EHBP1: variants seen among roughly 807,000 people sequenced by gnomAD.
EHBP1 encodes the protein EH domain binding protein 1.
A neutral mutation model predicts 144.0 loss-of-function variants in EHBP1; 55 were observed. That is an observed-to-expected ratio of 0.38 (90% CI 0.31 to 0.48). The LOEUF is 0.48. Ranked by LOEUF, EHBP1 falls within the 20% of genes least tolerant of loss-of-function variation. The probability of loss-of-function intolerance (pLI) is 0.98; values close to 1 mark genes in which losing one functional copy is unlikely to be tolerated. For synonymous variants in EHBP1, 469 were observed against 472.7 expected, an observed-to-expected ratio of 0.99 and a Z score of 0.10; for missense variants, 1,200 against 1,364.2, an observed-to-expected ratio of 0.88 and a Z score of 1.90.
intron 6 of EHBP1, 101 bp from the exon 7 acceptor site, chr2:62,830,917 AC>A: frequency 2.5e-6 from 3 of 1,221,328 alleles, no homozygotes; most frequent in Middle Eastern, 4.2e-4. Context: ...AGACTTATTG[AC>A]ATACCTTATA....
chr2:62,716,558 T>C (rs548882854), intron 2 of EHBP1, among the ~76,000 whole-genome samples: 1 of 152,330 alleles, frequency 6.6e-6, no homozygotes, highest in East Asian at 1.9e-4. Context: ...ATAATGGCAA[T>C]ACACATGTGT....
At chr2:62,940,114 G>GA (rs2153067308) in intron 10 of EHBP1, 1 of 421,014 alleles carries the variant, frequency 2.4e-6, no homozygotes, top group African/African-American at 2.1e-5. Flanking sequence ...AAGACTTTGA[G>GA]AATCACTACA....
At chr2:62,708,770 A>G (rs1259075619) in intron 2 of EHBP1, among the ~76,000 whole-genome samples, 1 of 152,216 alleles carries the variant, frequency 6.6e-6, no homozygotes, top group Non-Finnish European at 1.5e-5. Flanking sequence ...CCAGGAAGCC[A>G]AGGGAGAAGA....
At chr2:62,930,384 G>A (rs2055888470) in intron 10 of EHBP1, among the ~76,000 whole-genome samples, 1 of 152,138 alleles carries the variant, frequency 6.6e-6, no homozygotes, top group South Asian at 2.1e-4. Context: ...GAAAAAGGCA[G>A]AAATAAATGG....
At chr2:62,684,605 G>A (rs540895275) in intron 1 of EHBP1, among the ~76,000 whole-genome samples, 1 of 152,294 alleles carries the variant, frequency 6.6e-6, no homozygotes, top group East Asian at 1.9e-4. Context: ...AACCCCTTTT[G>A]CCCATTATTA....
intron 12 of EHBP1, 35 bp from the exon 13 acceptor site, chr2:62,948,225 G>A: frequency 3.3e-6 from 5 of 1,505,388 alleles, no homozygotes; most frequent in Non-Finnish European, 3.6e-6. Context: ...TATATGAACT[G>A]TTCAATATAT....
At chr2:62,932,505 G>A (rs1338526392) in intron 10 of EHBP1, among the ~76,000 whole-genome samples, 1 of 151,990 alleles carries the variant, frequency 6.6e-6, no homozygotes, top group African/African-American at 2.4e-5. Context: ...TCACTTATAT[G>A]AAATCAAGAT....
In EHBP1 at chr2:63,039,424, A is replaced by AT. The variant is rs556070014; in HGVS notation, c.3277+617dup. 4.3e-4 allele frequency among the ~76,000 whole-genome samples: 65 copies of AT among 151,870 alleles called. No homozygotes were observed. In the East Asian group the frequency reaches 9.3e-3, roughly 22 times the overall value. On this transcript the variant is annotated intron_variant, in intron 21 of 22. Coordinates refer to ENST00000431489, the MANE Select transcript of EHBP1 (RefSeq NM_001142616.3). ...GCTTATCTGGCATTTACTATATATGATTTTTTTTTAATTCTTAGGTGCTTT... is the reference window on the plus strand; with the variant it reads ...GCTTATCTGGCATTTACTATATATGATTTTTTTTTTAATTCTTAGGTGCTTT...
intron 3 of EHBP1, among the ~76,000 whole-genome samples, chr2:62,758,167 G>C (rs1159915444): frequency 6.6e-6 from 1 of 152,152 alleles, no homozygotes; most frequent in Non-Finnish European, 1.5e-5. Flanking sequence ...GGAGTGCAGT[G>C]GTGTGATCTC....
intron 10 of EHBP1, among the ~76,000 whole-genome samples, chr2:62,881,044 T>C: frequency 6.6e-6 from 1 of 151,924 alleles, no homozygotes; most frequent in Non-Finnish European, 1.5e-5. Context: ...ATATACACCA[T>C]GGAATACTAC....
chr2:62,718,979 ATTT>A (rs1397556532), intron 2 of EHBP1, among the ~76,000 whole-genome samples: 17 of 138,190 alleles, frequency 1.2e-4, no homozygotes, highest in Non-Finnish European at 1.1e-4. Flanking sequence ...TTGAGGTAGA[ATTT>A]TTTTTTTTTT....
At chr2:62,965,433 C>G (rs1329410336) in intron 14 of EHBP1, among the ~76,000 whole-genome samples, 1 of 152,088 alleles carries the variant, frequency 6.6e-6, no homozygotes, top group Non-Finnish European at 1.5e-5. Flanking sequence ...CTTACAATGC[C>G]TTAATGAGAG....
rs1051626685 is a variant in EHBP1, at chr2:63,012,509, C to CT, written c.3103+15751dup. Among the ~76,000 whole-genome samples, 3 of 152,024 alleles carry CT rather than the reference C, an allele frequency of 2.0e-5. No individual in the cohort carries two copies. In the South Asian group the frequency reaches 6.2e-4, roughly 32 times the overall value. ...AAAAAATACTAATCTTCAGTTTAGA[C>CT]TTTTTTTTCATTTATGCCACAAATA... is the stretch of plus-strand genomic sequence containing the variant. On this transcript the variant is annotated intron_variant, in intron 19 of 22. Coordinates refer to ENST00000431489, the MANE Select transcript of EHBP1 (RefSeq NM_001142616.3).
At chr2:62,737,062 G>A (rs567583815) in intron 2 of EHBP1, among the ~76,000 whole-genome samples, 1 of 152,270 alleles carries the variant, frequency 6.6e-6, no homozygotes, top group Non-Finnish European at 1.5e-5. Context: ...AACTGTAGAA[G>A]TGCTTTGTTT....
chr2:62,698,604 TAAAA>T (rs1433501278), intron 1 of EHBP1, among the ~76,000 whole-genome samples: 1 of 152,202 alleles, frequency 6.6e-6, no homozygotes, highest in Admixed American at 6.5e-5. Context: ...GGGAATATTT[TAAAA>T]TAGCATCCAA....
intron 5 of EHBP1, among the ~76,000 whole-genome samples, chr2:62,801,856 TCC>T (rs2044015705): frequency 6.6e-6 from 1 of 152,230 alleles, no homozygotes; most frequent in African/African-American, 2.4e-5. Context: ...ATTAAGCATC[TCC>T]TATGTGCTGA....
intron 3 of EHBP1, among the ~76,000 whole-genome samples, chr2:62,749,349 T>G (rs2039457590): frequency 6.6e-6 from 1 of 152,230 alleles, no homozygotes; most frequent in Admixed American, 6.5e-5. Flanking sequence ...TATTCCATGG[T>G]GTCTATGTGC....
chr2:62,726,323 G>C (rs887061675), intron 2 of EHBP1, among the ~76,000 whole-genome samples: 2 of 152,210 alleles, frequency 1.3e-5, no homozygotes, highest in African/African-American at 4.8e-5. Context: ...GTTTCTCCTT[G>C]CCAGTTCAAC....
intron 1 of EHBP1, among the ~76,000 whole-genome samples, chr2:62,676,058 G>A (rs192867178): frequency 3.1e-4 from 47 of 152,206 alleles, no homozygotes; most frequent in Non-Finnish European, 4.4e-4. Flanking sequence ...ACCCGACCTC[G>A]TGGTTATTAA....
Sources: allele counts gnomAD v4.1 joint callset (sites outside exome capture counted in the v4.1 genomes callset), GRCh38; gene constraint gnomAD v4.1.1; transcripts MANE v1.5; gene names NCBI Gene and HGNC (gene_info 2026-07-23, HGNC 2026-07-21).